Variants in IGF2BP3 observed in about 807,000 individuals in gnomAD.
The protein encoded by IGF2BP3 is insulin-like growth factor 2 mRNA-binding protein 3.
In IGF2BP3, 9 loss-of-function variants were observed where a neutral mutation model predicts 73.8. The observed-to-expected ratio is 0.12, with a 90% confidence interval of 0.07 to 0.21. The LOEUF (loss-of-function observed/expected upper bound fraction) is 0.21. Ranked by LOEUF, IGF2BP3 falls within the 10% of genes least tolerant of loss-of-function variation. The probability of loss-of-function intolerance (pLI) is 1.00; values close to 1 mark genes in which losing one functional copy is unlikely to be tolerated. For synonymous variants in IGF2BP3, 258 were observed against 256.7 expected (o/e 1.01, Z -0.05); for missense variants, 542 against 714.0 (o/e 0.76, Z 2.75).
intron 11 of IGF2BP3, among the ~76,000 whole-genome samples, chr7:23,318,571 AACAC>A (rs1784053097): frequency 6.6e-6 from 1 of 152,170 alleles, no homozygotes; most frequent in South Asian, 2.1e-4. Context: ...GAATCTTCAG[AACAC>A]ACAGTTATCT....
intron 3 of IGF2BP3, among the ~76,000 whole-genome samples, chr7:23,399,910 G>T (rs918669254): frequency 6.6e-6 from 1 of 152,010 alleles, no homozygotes; most frequent in Non-Finnish European, 1.5e-5. Context: ...CCTAAGAAAG[G>T]AATCACATTT....
chr7:23,414,433 G>C (rs989053744), intron 3 of IGF2BP3: 1 of 152,144 alleles, frequency 6.6e-6, no homozygotes, highest in Non-Finnish European at 1.5e-5. Context: ...AACACCAAAC[G>C]TCACAAGCGT....
intron 13 of IGF2BP3, among the ~76,000 whole-genome samples, 154 bp downstream of exon 13, chr7:23,313,368 C>T (rs909842604): frequency 7.9e-5 from 12 of 152,226 alleles, no homozygotes; most frequent in African/African-American, 2.2e-4. Flanking sequence ...GGCACCAACA[C>T]TCAGACAGGA....
intron 10 of IGF2BP3, among the ~76,000 whole-genome samples, chr7:23,333,543 A>G (rs1784493661): frequency 6.6e-6 from 1 of 152,244 alleles, no homozygotes; most frequent in Admixed American, 6.5e-5. Context: ...TTAAGCATAA[A>G]CTTAAGAGAA....
At chr7:23,384,752 G>T (rs1209188285) in intron 3 of IGF2BP3, among the ~76,000 whole-genome samples, 2 of 152,152 alleles carry the variant, frequency 1.3e-5, no homozygotes, top group East Asian at 3.9e-4. Flanking sequence ...TTAGCTGGGT[G>T]TGGTGGTGCG....
intron 3 of IGF2BP3, among the ~76,000 whole-genome samples, chr7:23,398,141 CTA>C (rs1417024154): frequency 6.6e-6 from 1 of 151,126 alleles, no homozygotes; most frequent in Non-Finnish European, 1.5e-5. Context: ...CAGTTCCCAC[CTA>C]TGAGTGAGAA....
intron 3 of IGF2BP3, among the ~76,000 whole-genome samples, chr7:23,376,284 C>T (rs1583957729): frequency 6.6e-6 from 1 of 152,084 alleles, no homozygotes; most frequent in Non-Finnish European, 1.5e-5. Context: ...AGGCCAGGCG[C>T]GGTGGCTCAC....
chr7:23,458,685 CAA>C (rs140031988), intron 2 of IGF2BP3, among the ~76,000 whole-genome samples: 1 of 151,946 alleles, frequency 6.6e-6, no homozygotes, highest in Non-Finnish European at 1.5e-5. Flanking sequence ...CACATTGAAA[CAA>C]AAAAAGTCTC....
At chr7:23,350,684 C>G (rs1784938313) in intron 6 of IGF2BP3, among the ~76,000 whole-genome samples, 1 of 151,168 alleles carries the variant, frequency 6.6e-6, no homozygotes, top group Admixed American at 6.6e-5. Flanking sequence ...CTGGCCTTGG[C>G]CCTGGGGCTA....
chr7:23,407,375 G>A lies in IGF2BP3; in HGVS notation c.285+11401C>T, dbSNP rs1477241242. On this transcript the variant is annotated intron_variant, in intron 3 of 14. Transcript: ENST00000258729. Reference sequence around the variant, plus strand: ...TGTAATCCCAGCACTTTGGGAGGCCGAGGCAAATGGATCACCTCAGGTTGG... The same window carrying A: ...TGTAATCCCAGCACTTTGGGAGGCCAAGGCAAATGGATCACCTCAGGTTGG... Among the ~76,000 whole-genome samples, 7 of 151,648 alleles carry A rather than the reference G, an allele frequency of 4.6e-5. No homozygotes were observed. The East Asian group carries it at 5.8e-4, about 13-fold the overall frequency.
rs899247791 is a variant in IGF2BP3, at chr7:23,469,276, G to C, written c.175+660C>G. 1 of 152,266 alleles carries C rather than the reference G, an allele frequency of 6.6e-6. No homozygotes were observed. Among genetic ancestry groups the C allele is most frequent in the Non-Finnish European group, 1.5e-5 (1 of 68,142 alleles). 9.4% of individuals were successfully genotyped at this position (152,266 alleles called of 1,614,324 possible). On this transcript the variant is annotated intron_variant, in intron 1 of 14. Transcript: ENST00000258729. The surrounding 1 kb of genome is among the most constrained non-coding windows in gnomAD (Gnocchi z 6.1). ...CCGCGCCAGGGCCCGGAGAGCGGCGGGCGGCCGGTGCGTGGCGGCGACTCC... is the reference window on the plus strand; with the variant it reads ...CCGCGCCAGGGCCCGGAGAGCGGCGCGCGGCCGGTGCGTGGCGGCGACTCC...
At chr7:23,410,180 T>A (rs55811252) in intron 3 of IGF2BP3, among the ~76,000 whole-genome samples, 36,152 of 151,384 alleles carry the variant, frequency 0.24, 4,661 homozygotes, top group Middle Eastern at 0.38. Context: ...AAATTTTTTT[T>A]AAAAATAAAG....
intron 12 of IGF2BP3, among the ~76,000 whole-genome samples, chr7:23,315,383 C>T (rs979372519): frequency 3.9e-5 from 6 of 152,164 alleles, no homozygotes; most frequent in Admixed American, 6.5e-5. Context: ...GCTGGGATAG[C>T]AAGCGTGGGC....
At chr7:23,388,906 A>G (rs1219703520) in intron 3 of IGF2BP3, among the ~76,000 whole-genome samples, 1 of 152,200 alleles carries the variant, frequency 6.6e-6, no homozygotes, top group African/African-American at 2.4e-5. Context: ...TTCAACAGGT[A>G]AACAAGTAAA....
At chr7:23,323,159 G>A (rs1438390071) in intron 10 of IGF2BP3, among the ~76,000 whole-genome samples, 1 of 152,110 alleles carries the variant, frequency 6.6e-6, no homozygotes, top group Non-Finnish European at 1.5e-5. Context: ...CCATCAGTGT[G>A]CTGTATTCAG....
chr7:23,449,121 T>G (rs1309951359), intron 2 of IGF2BP3, among the ~76,000 whole-genome samples: 1 of 40,432 alleles, frequency 2.5e-5, no homozygotes, highest in South Asian at 5.4e-4. Context: ...TTTATTATCT[T>G]TTTTTTTTTT....
chr7:23,392,845 G>T (rs550238832), intron 3 of IGF2BP3, among the ~76,000 whole-genome samples: 7 of 152,082 alleles, frequency 4.6e-5, no homozygotes, highest in Admixed American at 1.3e-4. Context: ...TGCCCAGGCT[G>T]ATCTTGAACT....
chr7:23,461,564 C>G (rs1014676600), intron 2 of IGF2BP3, among the ~76,000 whole-genome samples: 2 of 152,180 alleles, frequency 1.3e-5, no homozygotes, highest in African/African-American at 4.8e-5. Context: ...TCTTGCAATT[C>G]TTCACTTTTC....
At chr7:23,425,683 A>G (rs976388928) in intron 2 of IGF2BP3, among the ~76,000 whole-genome samples, 1 of 152,184 alleles carries the variant, frequency 6.6e-6, no homozygotes, top group Admixed American at 6.5e-5. Flanking sequence ...CCCACCTCCA[A>G]TAATTAGAAG....
Sources: gnomAD v4.1 joint callset for allele counts (sites outside exome capture counted in the v4.1 genomes callset) on GRCh38, gnomAD v4.1.1 for gene constraint, Gnocchi (gnomAD v3.1) non-coding constraint, MANE v1.5 for transcripts, NCBI Gene and HGNC (gene_info 2026-07-23, HGNC 2026-07-21) for gene names.